The following CDH23 variants were observed in gnomAD, a reference collection of about 807,000 sequenced individuals.
The protein encoded by CDH23 is cadherin-23.
CDH23 carries 189 observed loss-of-function variants against 317.1 expected under a neutral mutation model. That is an observed-to-expected ratio of 0.60 (90% CI 0.53 to 0.67). CDH23 has a LOEUF of 0.67. Among genes scored for constraint, CDH23 ranks in the 30% least tolerant of loss-of-function variants. The probability of loss-of-function intolerance (pLI) is 0.00; values close to 1 mark genes in which losing one functional copy is unlikely to be tolerated. For synonymous variants in CDH23, 1,839 were observed against 1,876.8 expected (o/e 0.98, Z 0.52); for missense variants, 4,401 against 4,592.4 (o/e 0.96, Z 1.20).
At chr10:71,439,505 T>C (rs967659377) in intron 1 of CDH23, among the ~76,000 whole-genome samples, 1 of 152,130 alleles carries the variant, frequency 6.6e-6, no homozygotes, top group African/African-American at 2.4e-5. Context: ...CTACTGGGCC[T>C]AGAATATGTC....
intron 55 of CDH23, 114 bp downstream of exon 55, chr10:71,803,534 G>A (rs1841620321): frequency 3.2e-6 from 3 of 946,616 alleles, no homozygotes; most frequent in Non-Finnish European, 4.7e-6. Flanking sequence ...CAGGAAAGTA[G>A]CTCCAGGAAA....
At chr10:71,511,359 C>T (rs1225837095) in intron 6 of CDH23, 147 bp downstream of exon 6, 11 of 758,778 alleles carry the variant, frequency 1.4e-5, no homozygotes, top group East Asian at 2.6e-5. Context: ...AGCAGGTTGG[C>T]GAACATGCTG....
At chr10:71,504,917 G>A (rs1011274032) in intron 3 of CDH23, among the ~76,000 whole-genome samples, 1 of 152,222 alleles carries the variant, frequency 6.6e-6, no homozygotes, top group Non-Finnish European at 1.5e-5. Flanking sequence ...GGCTGTGTGT[G>A]AGCGTCTCCT....
intron 38 of CDH23, 110 bp downstream of exon 38, chr10:71,742,031 C>A: frequency 3.4e-6 from 3 of 894,630 alleles, no homozygotes; most frequent in South Asian, 1.7e-5. Flanking sequence ...CAGGCGAATC[C>A]TTGACAACTC....
At chr10:71,481,400 A>G (rs1224960414) in intron 3 of CDH23, among the ~76,000 whole-genome samples, 1 of 152,122 alleles carries the variant, frequency 6.6e-6, no homozygotes, top group Non-Finnish European at 1.5e-5. Context: ...TGGGGAAAGG[A>G]GAGGTGTGTG....
chr10:71,811,836 C>T, intron 65 of CDH23, 83 bp downstream of exon 65: 1 of 1,576,938 alleles, frequency 6.3e-7, no homozygotes, highest in Non-Finnish European at 8.6e-7. Context: ...ACAAGCCTGG[C>T]TCAGGCCCTT....
chr10:71,773,415 C>A (rs1270829068), intron 38 of CDH23: 1 of 1,606,726 alleles, frequency 6.2e-7, no homozygotes, highest in Admixed American at 1.7e-5. Flanking sequence ...CAGCTGCCGG[C>A]CTCCAGGGCC....
At chr10:71,686,115 G>C (rs898935054) in intron 18 of CDH23, among the ~76,000 whole-genome samples, 1 of 152,050 alleles carries the variant, frequency 6.6e-6, no homozygotes, top group East Asian at 1.9e-4. Context: ...CCCATTAGGG[G>C]ACAATAAGCT....
At chr10:71,582,772 C>T (rs1043864425) in intron 9 of CDH23, among the ~76,000 whole-genome samples, 1 of 152,212 alleles carries the variant, frequency 6.6e-6, no homozygotes, top group African/African-American at 2.4e-5. Flanking sequence ...AGGGCCTTCC[C>T]TGGGCCAGGA....
At chr10:71,691,614 T>G (rs577601189) in intron 20 of CDH23, among the ~76,000 whole-genome samples, 1 of 152,328 alleles carries the variant, frequency 6.6e-6, no homozygotes, top group East Asian at 1.9e-4. Context: ...CCAGGCCCCT[T>G]CCATGTTGTG....
chr10:71,603,605 C>A lies in CDH23; in HGVS notation c.833-11899C>A, dbSNP rs1354098733. ...GCCCCGGAGGTAACCGGGTGCCAAG[C>A]AGGCAGCAGGGGGGGCCTCCTTTTC... On this transcript the variant is annotated intron_variant, in intron 9 of 69. Coordinates refer to ENST00000224721, the MANE Select transcript of CDH23 (RefSeq NM_022124.6). Among the ~76,000 whole-genome samples the A allele has an allele frequency of 2.0e-5, 3 of 151,912 alleles. No homozygotes were observed. In the East Asian group the frequency reaches 5.8e-4, roughly 29 times the overall value.
At chr10:71,814,210 G>C (rs1842041646) in intron 69 of CDH23, among the ~76,000 whole-genome samples, 1 of 152,208 alleles carries the variant, frequency 6.6e-6, no homozygotes, top group Non-Finnish European at 1.5e-5. Flanking sequence ...AGATACCACA[G>C]TTGCATCCCA....
At chr10:71,803,815 C>CAAAAAAAAA (rs59916449) in intron 55 of CDH23, among the ~76,000 whole-genome samples, 11 of 71,108 alleles carry the variant, frequency 1.5e-4, no homozygotes, top group Non-Finnish European at 2.6e-4. Context: ...ACTAAAAATG[C>CAAAAAAAAA]AAAAAAAAAA....
At chr10:71,773,239 T>C in intron 38 of CDH23, 1 of 1,165,736 alleles carries the variant, frequency 8.6e-7, no homozygotes, top group Non-Finnish European at 1.2e-6. Flanking sequence ...GTGGGTGGAG[T>C]GGGGTGCACG....
chr10:71,725,346 T>C (rs1460267650), intron 29 of CDH23, 26 bp from the exon 30 acceptor site: 2 of 1,614,008 alleles, frequency 1.2e-6, no homozygotes, highest in Non-Finnish European at 1.7e-6. Context: ...GGGCCGGTGT[T>C]CCAGGGGGTC....
chr10:71,461,442 G>C (rs763765576), intron 3 of CDH23, among the ~76,000 whole-genome samples: 1 of 152,240 alleles, frequency 6.6e-6, no homozygotes, highest in Non-Finnish European at 1.5e-5. Flanking sequence ...CCTTTTCTCC[G>C]GAAGAGGTGT....
At position 71,396,969 on chromosome 10, in the gene CDH23, T is replaced by G. The variant is rs1847546134; in HGVS notation, c.-355T>G. On this transcript the variant is annotated 5_prime_UTR_variant, in exon 1 of 70. Transcript: ENST00000224721. This position sits in a 1 kb window ranked among gnomAD's most constrained non-coding sequence, Gnocchi z 4.2. Reference sequence around the variant, plus strand: ...CGGCTCGGGAGAGAGGGACGCGGGCTGCAGGCGCGATGCTTGGCTAGAGGA... The same window carrying G: ...CGGCTCGGGAGAGAGGGACGCGGGCGGCAGGCGCGATGCTTGGCTAGAGGA... 1 of 152,240 alleles carries G rather than the reference T, an allele frequency of 6.6e-6. No homozygotes were observed. The highest frequency in any genetic ancestry group is 2.4e-5 in the African/African-American group (1 of 41,022). 9.4% of individuals were successfully genotyped at this position (152,240 alleles called of 1,614,324 possible). A position where few individuals can be genotyped will look rare whatever the true frequency, so the allele number is the denominator to read the frequency against.
intron 38 of CDH23, chr10:71,773,470 G>A (rs768448430): frequency 6.4e-7 from 1 of 1,567,276 alleles, no homozygotes; most frequent in South Asian, 1.2e-5. Flanking sequence ...GGAACTTCTG[G>A]TGCCGGGGAG....
chr10:71,790,213 C>T, intron 45 of CDH23, 75 bp from the exon 46 acceptor site: 4 of 1,567,460 alleles, frequency 2.6e-6, no homozygotes, highest in Non-Finnish European at 3.5e-6. Flanking sequence ...CCATGGCTCA[C>T]CGGGACAGGG....
Sources: gnomAD v4.1 joint callset for allele counts (sites outside exome capture counted in the v4.1 genomes callset) on GRCh38, gnomAD v4.1.1 for gene constraint, Gnocchi (gnomAD v3.1) non-coding constraint, MANE v1.5 for transcripts, NCBI Gene and HGNC (gene_info 2026-07-23, HGNC 2026-07-21) for gene names.